The following ANK3 variants were observed in gnomAD, a reference collection of about 807,000 sequenced individuals.
The protein encoded by ANK3 is ankyrin-3.
In ANK3, 57 loss-of-function variants were observed where a neutral mutation model predicts 370.9. The ratio of observed to expected loss-of-function variants is 0.15; its 90% confidence interval spans 0.12 to 0.19. The LOEUF (loss-of-function observed/expected upper bound fraction) is 0.19. ANK3 is among the 10% of genes least tolerant of loss of function. The pLI, the probability that ANK3 is intolerant of heterozygous loss-of-function variation, is 1.00. For synonymous variants in ANK3, 1,929 were observed against 1,946.3 expected (o/e 0.99, Z 0.23); for missense variants, 4,439 against 5,302.1 (o/e 0.84, Z 5.06).
At position 60,071,117 on chromosome 10, in the gene ANK3, G is replaced by A; in HGVS notation, c.9764C>T (p.Pro3255Leu). 6 of 1,614,068 alleles carry A rather than the reference G, an allele frequency of 3.7e-6. No homozygotes were observed. Among genetic ancestry groups the A allele is most frequent in the Non-Finnish European group, 5.1e-6 (6 of 1,179,998 alleles). The change falls in exon 37 of 44, where the codon CCC (proline) becomes CTC (leucine). Residue 3255 changes from proline to leucine, a missense_variant. Pro to Leu is a moderately conservative substitution (Grantham distance 98, BLOSUM62 -3). This residue lies in a region of ANK3 where 1,601 missense variants were observed against 1,731.7 expected (regional missense o/e 0.92). Coordinates refer to ENST00000280772, the MANE Select transcript of ANK3 (RefSeq NM_020987.5). ...KNNRVAYIEF[P>L]PPPPLDADQI... Reference sequence around the variant, plus strand: ...GTCCGCATCCAGTGGTGGAGGAGGGGGAAATTCAATATAGGCAACTCTGTT... The same window carrying A: ...GTCCGCATCCAGTGGTGGAGGAGGGAGAAATTCAATATAGGCAACTCTGTT...
At chr10:60,130,840 TAG>T (rs1235453764) in intron 25 of ANK3, among the ~76,000 whole-genome samples, 3 of 152,192 alleles carry the variant, frequency 2.0e-5, no homozygotes, top group African/African-American at 7.2e-5. Context: ...GTCTCAAAAC[TAG>T]AGACTTAAAA....
intron 1 of ANK3, among the ~76,000 whole-genome samples, chr10:60,622,583 A>G (rs2078352724): frequency 6.6e-6 from 1 of 152,202 alleles, no homozygotes; most frequent in East Asian, 1.9e-4. Context: ...AACTGAGGAC[A>G]GGAGCTACTG....
At chr10:60,733,206 T>C in intron 1 of ANK3, 1 of 1,226,720 alleles carries the variant, frequency 8.2e-7, no homozygotes, top group Non-Finnish European at 1.0e-6. Context: ...CCCGCCCGGG[T>C]CCCCGCATGC....
At chr10:60,711,304 A>ATGAG (rs1165574752) in intron 1 of ANK3, among the ~76,000 whole-genome samples, 6 of 152,208 alleles carry the variant, frequency 3.9e-5, no homozygotes, top group African/African-American at 1.4e-4. Flanking sequence ...TGCCTGTATC[A>ATGAG]AAACATCTCA....
At chr10:60,128,166 C>T (rs1452896477) in intron 25 of ANK3, among the ~76,000 whole-genome samples, 1 of 152,062 alleles carries the variant, frequency 6.6e-6, no homozygotes, top group Non-Finnish European at 1.5e-5. Context: ...TGTGGCCCAA[C>T]CAAGAATACT....
At chr10:60,414,511 A>T (rs2063621427) in intron 2 of ANK3, among the ~76,000 whole-genome samples, 1 of 152,186 alleles carries the variant, frequency 6.6e-6, no homozygotes, top group Admixed American at 6.5e-5. Context: ...TACAAAACAA[A>T]AAAGGTGGTA....
intron 1 of ANK3, among the ~76,000 whole-genome samples, chr10:60,310,069 T>A (rs1201902695): frequency 6.6e-6 from 1 of 151,778 alleles, no homozygotes; most frequent in Non-Finnish European, 1.5e-5. Context: ...AGGAGTACAG[T>A]TATGTGCCAC....
chr10:60,418,997 CTAAG>C (rs1308864274), intron 2 of ANK3, among the ~76,000 whole-genome samples: 1 of 151,986 alleles, frequency 6.6e-6, no homozygotes, highest in Non-Finnish European at 1.5e-5. Context: ...CAATTCTCTC[CTAAG>C]TGTTTTTGAT....
intron 1 of ANK3, among the ~76,000 whole-genome samples, chr10:60,380,075 C>A (rs2061356506): frequency 6.6e-6 from 1 of 151,940 alleles, no homozygotes; most frequent in Non-Finnish European, 1.5e-5. Context: ...GGGAATTAAT[C>A]ATATTTATAT....
chr10:60,170,674 T>C (rs2095761165), intron 21 of ANK3, among the ~76,000 whole-genome samples: 1 of 152,174 alleles, frequency 6.6e-6, no homozygotes, highest in African/African-American at 2.4e-5. Flanking sequence ...GCTGATGATG[T>C]TGAGAGTGAA....
intron 11 of ANK3, 71 bp downstream of exon 11, chr10:60,205,721 C>G: frequency 8.9e-7 from 1 of 1,119,342 alleles, no homozygotes; most frequent in Non-Finnish European, 1.4e-6. Flanking sequence ...CTGGAGATGG[C>G]CCTGGGGCTC....
chr10:60,307,324 T>C (rs1388051390), intron 1 of ANK3, among the ~76,000 whole-genome samples: 1 of 152,020 alleles, frequency 6.6e-6, no homozygotes, highest in African/African-American at 2.4e-5. Flanking sequence ...CATGATATAG[T>C]TGTAAACTTT....
intron 2 of ANK3, among the ~76,000 whole-genome samples, chr10:60,426,003 G>A (rs561921668): frequency 4.2e-4 from 64 of 152,126 alleles, no homozygotes; most frequent in African/African-American, 1.5e-3. Flanking sequence ...TTGGAAAGAA[G>A]AAGAAAAAAG....
intron 2 of ANK3, among the ~76,000 whole-genome samples, chr10:60,563,077 C>CT (rs1384093521): frequency 6.6e-6 from 1 of 152,202 alleles, no homozygotes; most frequent in African/African-American, 2.4e-5. Context: ...AATCAGGACT[C>CT]TTTTTTTCCT....
intron 2 of ANK3, among the ~76,000 whole-genome samples, chr10:60,564,237 GA>G (rs1184674116): frequency 3.3e-5 from 5 of 152,066 alleles, no homozygotes; most frequent in African/African-American, 1.2e-4. Context: ...GTAAGACTAA[GA>G]GAAAAAAATT....
In ANK3 at chr10:60,074,254, G is replaced by A. The variant is rs148753581; in HGVS notation, c.6627C>T (p.Thr2209=). Residue 2209 remains threonine (T), a synonymous_variant, in exon 37 of 44, where the codon ACC becomes ACT. Transcript: ENST00000280772. ...CTTTAACCTTTTCTTTAATACTAGA[G>A]GTGGTGGGCTTTGGTTCCAATTCCA... ...TFMELEPKPT[T]SSIKEKVKAF... is the part of the protein sequence containing the mutation. 43 of 1,613,986 alleles carry A rather than the reference G, an allele frequency of 2.7e-5. No homozygotes were observed. Among genetic ancestry groups the A allele is most frequent in the South Asian group, 2.6e-4 (24 of 91,076 alleles).
At chr10:60,682,833 T>C (rs968616847) in intron 1 of ANK3, among the ~76,000 whole-genome samples, 6 of 152,230 alleles carry the variant, frequency 3.9e-5, no homozygotes, top group African/African-American at 1.4e-4. Flanking sequence ...ATGTCCTTTA[T>C]AATAAACCAG....
intron 21 of ANK3, among the ~76,000 whole-genome samples, chr10:60,167,389 C>T (rs943149459): frequency 6.6e-6 from 1 of 152,150 alleles, no homozygotes; most frequent in Non-Finnish European, 1.5e-5. Context: ...ATATTTACAA[C>T]AATAATCTTT....
At chr10:60,420,733 T>C (rs1431474485) in intron 2 of ANK3, among the ~76,000 whole-genome samples, 1 of 152,124 alleles carries the variant, frequency 6.6e-6, no homozygotes, top group African/African-American at 2.4e-5. Context: ...GGCTATCTTC[T>C]GGCTTGGGAG....
Sources: gnomAD v4.1 joint callset for allele counts (sites outside exome capture counted in the v4.1 genomes callset) on GRCh38, gnomAD v4.1.1 for gene constraint, gnomAD v4.1.1 regional missense constraint, MANE v1.5 for transcripts, NCBI Gene and HGNC (gene_info 2026-07-23, HGNC 2026-07-21) for gene names.